SLC8A3: variants seen among roughly 807,000 people sequenced by gnomAD.
The protein encoded by SLC8A3 is solute carrier family 8 member A3, also known as sodium/calcium exchanger 3.
Under a neutral mutation model 65.4 loss-of-function variants are expected in SLC8A3, and 37 were observed. That is an observed-to-expected ratio of 0.57 (90% CI 0.44 to 0.74). The LOEUF is 0.74. SLC8A3 is among the 30% of genes least tolerant of loss of function. The pLI is 0.00. For missense variants in SLC8A3, 1,112 were observed against 1,172.1 expected, an observed-to-expected ratio of 0.95 and a Z score of 0.75; for synonymous variants, 461 against 444.5, an observed-to-expected ratio of 1.04 and a Z score of -0.47.
chr14:70,106,430 A>G (rs888282036), intron 2 of SLC8A3, among the ~76,000 whole-genome samples: 1 of 152,184 alleles, frequency 6.6e-6, no homozygotes, highest in African/African-American at 2.4e-5. Context: ...CTTAGTATTT[A>G]GAGGCACCTT....
rs554130021 is a variant in SLC8A3 at position 70,075,857 on chromosome 14, G to A, written c.1785-14918C>T. Among the ~76,000 whole-genome samples the A allele has an allele frequency of 7.2e-5, 11 of 152,212 alleles. No individual in the cohort carries two copies. In the South Asian group the frequency reaches 1.7e-3, roughly 23 times the overall value. On this transcript the variant is annotated intron_variant, in intron 2 of 6. Coordinates refer to ENST00000356921, the MANE Select transcript of SLC8A3 (RefSeq NM_182932.3). ...GGAATTCTGAAACTTTAGCATACTC[G>A]GAATCATCTGGAGGGCTCGATAAAA...
intron 2 of SLC8A3, among the ~76,000 whole-genome samples, chr14:70,091,860 A>G (rs1290158386): frequency 2.6e-5 from 4 of 152,214 alleles, no homozygotes; most frequent in Non-Finnish European, 5.9e-5. Flanking sequence ...TGCATTTATT[A>G]CTATTTTAAA....
intron 2 of SLC8A3, among the ~76,000 whole-genome samples, chr14:70,131,833 G>A (rs1594729368): frequency 6.6e-6 from 1 of 152,158 alleles, no homozygotes. Context: ...TGACAAACAC[G>A]GTGAGAGAAC....
chr14:70,063,795 T>C (rs777243404), intron 2 of SLC8A3: 33 of 1,154,788 alleles, frequency 2.9e-5, no homozygotes, highest in Admixed American at 1.7e-4. Context: ...AGAATGTTAG[T>C]GTTAGTGTGG....
In SLC8A3 at chr14:70,046,042, A is replaced by T; in HGVS notation, c.2671T>A (p.Cys891Ser). 1.2e-6 allele frequency: 2 copies of T among 1,614,008 alleles called. No homozygotes were observed. The highest frequency in any genetic ancestry group is 2.2e-5 in the South Asian group (2 of 91,052). The stretch of plus-strand genomic sequence containing the variant: ...AAGAGCCATGTTGTGGCGAGCTTGC[A>T]GCCACGGGGGCCACCAAGCTCCCCT... ...LGGELGGPRG[C>S]KLATTWLFVS... is the part of the protein sequence containing the mutation. The change falls in exon 7 of 7, where the codon TGC (cysteine) becomes AGC (serine). Residue 891 changes from cysteine to serine, a missense_variant. Coordinates refer to ENST00000356921, the MANE Select transcript of SLC8A3 (RefSeq NM_182932.3). The surrounding 1 kb of genome is among the most constrained non-coding windows in gnomAD (Gnocchi z 4.2).
intron 2 of SLC8A3, among the ~76,000 whole-genome samples, chr14:70,120,341 G>A (rs1893970508): frequency 6.6e-6 from 1 of 152,238 alleles, no homozygotes; most frequent in South Asian, 2.1e-4. Context: ...TGTTTAGTCA[G>A]TGTGACTCTT....
At chr14:70,071,919 A>G (rs766496979) in intron 2 of SLC8A3, among the ~76,000 whole-genome samples, 12 of 152,144 alleles carry the variant, frequency 7.9e-5, no homozygotes, top group Non-Finnish European at 1.6e-4. Context: ...GAGAACGTGC[A>G]CAGACTCCCC....
chr14:70,125,328 TC>T (rs1190137497), intron 2 of SLC8A3, among the ~76,000 whole-genome samples: 1 of 151,992 alleles, frequency 6.6e-6, no homozygotes, highest in Non-Finnish European at 1.5e-5. Flanking sequence ...CCTCTCCCAT[TC>T]CCCCCACCCT....
Position 70,044,234 on chromosome 14 carries a change from T to C in SLC8A3, c.*1713A>G, listed in dbSNP as rs541696212. On this transcript the variant is annotated 3_prime_UTR_variant, in exon 7 of 7. Transcript: ENST00000356921. ...GCAAGCTGTATGTAGAGAGATATAG[T>C]ATAGCTTTTATTTTTTTTTTGAACC... The C allele has an allele frequency of 1.3e-5, 2 of 152,244 alleles. No individual in the cohort carries two copies. Among genetic ancestry groups the C allele is most frequent in the African/African-American group, 4.8e-5 (2 of 41,542 alleles). The allele number at this position is 152,244 out of a possible 1,614,324, so 9.4% of individuals were successfully genotyped here. A position where few individuals can be genotyped will look rare whatever the true frequency, so the allele number is the denominator to read the frequency against.
chr14:70,148,940 A>G (rs2140300140), intron 2 of SLC8A3, among the ~76,000 whole-genome samples: 1 of 152,300 alleles, frequency 6.6e-6, no homozygotes, highest in South Asian at 2.1e-4. Context: ...TCATGCCTCA[A>G]CCATGGCAAA....
intron 1 of SLC8A3, among the ~76,000 whole-genome samples, chr14:70,180,601 T>C (rs1882666327): frequency 6.6e-6 from 1 of 152,050 alleles, no homozygotes; most frequent in Admixed American, 6.6e-5. Flanking sequence ...GAGAGTACAG[T>C]GGTATGTTTG....
In SLC8A3 at chr14:70,071,040, T is replaced by C. The variant is rs144341630; in HGVS notation, c.1785-10101A>G. 1.7e-3 allele frequency among the ~76,000 whole-genome samples: 254 copies of C among 152,350 alleles called. 3 individuals are homozygous for C. The highest frequency in any genetic ancestry group is 0.014 in the Middle Eastern group (4 of 294). On this transcript the variant is annotated intron_variant, in intron 2 of 6. Transcript: ENST00000356921. The stretch of plus-strand genomic sequence containing the variant: ...CTCCCAATGTGTTTGAGAAAGATTG[T>C]GGTGGGAAAGAATAGTTCTGATTGA...
At chr14:70,177,537 A>G (rs1897982951) in intron 1 of SLC8A3, among the ~76,000 whole-genome samples, 2 of 152,222 alleles carry the variant, frequency 1.3e-5, no homozygotes, top group African/African-American at 4.8e-5. Flanking sequence ...CATTAGATCT[A>G]GGATTTAAAG....
At chr14:70,144,545 G>T (rs1250191328) in intron 2 of SLC8A3, among the ~76,000 whole-genome samples, 1 of 150,860 alleles carries the variant, frequency 6.6e-6, no homozygotes, top group Non-Finnish European at 1.5e-5. Context: ...CAGGAGAATC[G>T]CTTGAACCTG....
chr14:70,052,113 A>G lies in SLC8A3; in HGVS notation c.1890T>C (p.Asp630=). 1 of 1,594,924 alleles carries G rather than the reference A, an allele frequency of 6.3e-7. No individual in the cohort carries two copies. The highest frequency in any genetic ancestry group is 1.2e-5 in the South Asian group (1 of 86,856). The part of the protein sequence containing the change: ...EPKWMERGIS[D]VTDRKLTMEE... ...CCATAGTCAGCTTCCTGTCTGTCAC[A>G]TCTGCAACAAAACAAAATCAGACTC... The change falls in exon 4 of 7, where the codon GAT becomes GAC. Residue 630 remains aspartate (D), a splice_region_variant and synonymous_variant. Transcript: ENST00000356921.
At chr14:70,067,819 A>T (rs1323648505) in intron 2 of SLC8A3, among the ~76,000 whole-genome samples, 1 of 152,176 alleles carries the variant, frequency 6.6e-6, no homozygotes, top group Admixed American at 6.5e-5. Context: ...GGTTCAAGTG[A>T]GGGTTTTCAG....
At chr14:70,112,824 T>G (rs536201844) in intron 2 of SLC8A3, among the ~76,000 whole-genome samples, 1 of 152,302 alleles carries the variant, frequency 6.6e-6, no homozygotes, top group East Asian at 1.9e-4. Context: ...TGGTGTTCCC[T>G]GTCTTGTAGA....
Position 70,167,341 on chromosome 14 carries a change from A to G in SLC8A3, c.1082T>C (p.Met361Thr), listed in dbSNP as rs1245718689. The change falls in exon 2 of 7, where the codon ATG (methionine) becomes ACG (threonine). Residue 361 changes from methionine (M) to threonine (T), a missense_variant. Coordinates refer to ENST00000356921, the MANE Select transcript of SLC8A3 (RefSeq NM_182932.3). ...CAGGATATTGCCTGCACCAGTCATC[A>G]TACGAGTGGCTTGGATACGGTAGAA... is the stretch of plus-strand genomic sequence containing the variant. ...RAFYRIQATRMMTGAGNILKK... is the reference protein window; with the variant it reads ...RAFYRIQATRTMTGAGNILKK... The G allele has an allele frequency of 3.1e-6, 5 of 1,614,202 alleles. No homozygotes were observed. In the East Asian group the frequency reaches 6.7e-5, roughly 22 times the overall value.
chr14:70,136,448 C>T (rs1895207612), intron 2 of SLC8A3, among the ~76,000 whole-genome samples: 1 of 152,170 alleles, frequency 6.6e-6, no homozygotes, highest in African/African-American at 2.4e-5. Context: ...TCCTGTCCAC[C>T]TCACTCACCT....
Sources: allele counts gnomAD v4.1 joint callset (sites outside exome capture counted in the v4.1 genomes callset), GRCh38; gene constraint gnomAD v4.1.1; non-coding constraint Gnocchi (gnomAD v3.1); transcripts MANE v1.5; gene names NCBI Gene and HGNC (gene_info 2026-07-23, HGNC 2026-07-21).